Variants in HDAC9 observed in about 807,000 individuals in gnomAD.
HDAC9 encodes histone deacetylase 9.
A neutral mutation model predicts 139.4 loss-of-function variants in HDAC9; 41 were observed. The observed-to-expected ratio is 0.29, with a 90% CI of 0.23 to 0.38. The LOEUF (loss-of-function observed/expected upper bound fraction) is 0.38. HDAC9 is among the 10% of genes least tolerant of loss of function. The pLI, the probability that HDAC9 is intolerant of heterozygous loss-of-function variation, is 1.00. For missense variants in HDAC9, 1,147 were observed against 1,297.0 expected, an observed-to-expected ratio of 0.88 and a Z score of 1.78; for synonymous variants, 517 against 476.2, an observed-to-expected ratio of 1.09 and a Z score of -1.12.
chr7:18,843,404 A>G (rs1187807034), intron 21 of HDAC9, among the ~76,000 whole-genome samples: 1 of 152,134 alleles, frequency 6.6e-6, no homozygotes, highest in Non-Finnish European at 1.5e-5. Flanking sequence ...ACGTCAATTC[A>G]TTGACTTAAA....
Position 18,881,280 on chromosome 7 carries a change from GAT to G in HDAC9, c.2803+6686_2803+6687del, listed in dbSNP as rs1368516378. ...TAACTCCAGTTATTACAGAGGATAA[GAT>G]AAATTAGTTTCCTCATCTATGAGAC... On this transcript the variant is annotated intron_variant, in intron 22 of 25. Coordinates refer to ENST00000686413, the MANE Select transcript of HDAC9 (RefSeq NM_178425.4). Among the ~76,000 whole-genome samples, 6 of 152,216 alleles carry G rather than the reference GAT, an allele frequency of 3.9e-5. No homozygotes were observed. In the East Asian group the frequency reaches 1.2e-3, roughly 29 times the overall value.
intron 2 of HDAC9, among the ~76,000 whole-genome samples, chr7:18,224,603 G>A (rs540112564): frequency 1.3e-4 from 20 of 152,104 alleles, no homozygotes; most frequent in Non-Finnish European, 2.8e-4. Flanking sequence ...TTGAGATTGG[G>A]AGGCACAGAA....
chr7:18,143,112 C>G (rs1786032164), intron 1 of HDAC9, among the ~76,000 whole-genome samples: 1 of 152,190 alleles, frequency 6.6e-6, no homozygotes, highest in Admixed American at 6.5e-5. Flanking sequence ...AAATGTGACA[C>G]TAGGGCAAAG....
chr7:18,741,873 A>T (rs1395384276), intron 13 of HDAC9, among the ~76,000 whole-genome samples: 1 of 152,218 alleles, frequency 6.6e-6, no homozygotes, highest in Admixed American at 6.5e-5. Flanking sequence ...CAATACTTCA[A>T]TGGAGGAACT....
At chr7:18,978,949 T>G (rs717982) in intron 25 of HDAC9, among the ~76,000 whole-genome samples, 68,154 of 150,710 alleles carry the variant, frequency 0.45, 15,642 homozygotes, top group Non-Finnish European at 0.5. Context: ...TGTGTGTGTG[T>G]TTTTTTTTTA....
At chr7:18,410,445 A>G (rs1006786769) in intron 1 of HDAC9, among the ~76,000 whole-genome samples, 1 of 152,208 alleles carries the variant, frequency 6.6e-6, no homozygotes, top group African/African-American at 2.4e-5. Context: ...CCAAGAACCT[A>G]TAGTTCTTTG....
At chr7:18,499,117 T>G (rs968598393) in intron 2 of HDAC9, among the ~76,000 whole-genome samples, 18 of 151,934 alleles carry the variant, frequency 1.2e-4, no homozygotes, top group Non-Finnish European at 2.4e-4. Flanking sequence ...CTGAAATGTC[T>G]CATTATGTAA....
chr7:18,999,322 C>T lies in HDAC9; in HGVS notation c.*3260C>T, dbSNP rs1786636260. ...GACTGGTCTCTCTTAATAGTTTAGT[C>T]CTGCTTTATTTCCAAAGGGCAATTA... On this transcript the variant is annotated 3_prime_UTR_variant, in exon 26 of 26. Transcript: ENST00000686413. The T allele has an allele frequency of 6.6e-6, 1 of 152,134 alleles. No individual in the cohort carries two copies. The highest frequency in any genetic ancestry group is 2.1e-4 in the South Asian group (1 of 4,828). The allele number at this position is 152,134 out of a possible 1,614,324, so 9.4% of individuals were successfully genotyped here.
At chr7:18,767,205 A>C (rs1212227288) in intron 16 of HDAC9, 50 bp downstream of exon 16, 2 of 1,117,922 alleles carry the variant, frequency 1.8e-6, no homozygotes, top group Non-Finnish European at 2.6e-6. Context: ...ATTACAAAAA[A>C]AAATCTTTTT....
chr7:18,359,519 A>G (rs1259120671), intron 1 of HDAC9, among the ~76,000 whole-genome samples: 2 of 152,212 alleles, frequency 1.3e-5, no homozygotes, highest in East Asian at 1.9e-4. Flanking sequence ...TCAAAATTGC[A>G]TAAAAGTAGA....
chr7:18,548,096 G>T (rs1241628254), intron 2 of HDAC9, among the ~76,000 whole-genome samples: 1 of 151,806 alleles, frequency 6.6e-6, no homozygotes, highest in African/African-American at 2.4e-5. Context: ...GCCATTGTAG[G>T]GTTATTAATT....
chr7:18,121,913 A>G (rs1784386925), intron 1 of HDAC9, among the ~76,000 whole-genome samples: 1 of 152,204 alleles, frequency 6.6e-6, no homozygotes, highest in African/African-American at 2.4e-5. Flanking sequence ...GATCTTGAGG[A>G]AAAGATGAAC....
intron 2 of HDAC9, among the ~76,000 whole-genome samples, chr7:18,509,874 T>G (rs928246082): frequency 2.6e-5 from 4 of 152,004 alleles, no homozygotes; most frequent in Non-Finnish European, 5.9e-5. Flanking sequence ...ATTAGTTATA[T>G]TATAAGCTCC....
At chr7:18,432,757 C>A (rs763329363) in intron 1 of HDAC9, among the ~76,000 whole-genome samples, 1 of 152,052 alleles carries the variant, frequency 6.6e-6, no homozygotes, top group Non-Finnish European at 1.5e-5. Flanking sequence ...ACCATCCTGG[C>A]TAACATGGTG....
intron 18 of HDAC9, 86 bp downstream of exon 18, chr7:18,829,302 T>G: frequency 8.3e-7 from 1 of 1,209,844 alleles, no homozygotes; most frequent in Admixed American, 1.7e-5. Flanking sequence ...AGCCTCTAAT[T>G]GTTAGCAGAT....
chr7:18,824,209 G>A (rs750400920), intron 17 of HDAC9, among the ~76,000 whole-genome samples: 2 of 152,184 alleles, frequency 1.3e-5, no homozygotes, highest in Non-Finnish European at 2.9e-5. Context: ...CGCAAAGAGA[G>A]CTCTCACCAG....
intron 1 of HDAC9, among the ~76,000 whole-genome samples, chr7:18,132,475 C>T (rs1584235712): frequency 6.6e-6 from 1 of 152,014 alleles, no homozygotes; most frequent in Admixed American, 6.6e-5. Flanking sequence ...AGCGGGTGAT[C>T]ACAGCTTATT....
intron 22 of HDAC9, among the ~76,000 whole-genome samples, chr7:18,913,980 A>G (rs1802964837): frequency 6.6e-6 from 1 of 151,988 alleles, no homozygotes; most frequent in Non-Finnish European, 1.5e-5. Flanking sequence ...GTCCTCTCAA[A>G]ATTGATATGT....
intron 1 of HDAC9, among the ~76,000 whole-genome samples, chr7:18,103,933 C>A (rs994330869): frequency 6.6e-6 from 1 of 152,204 alleles, no homozygotes; most frequent in African/African-American, 2.4e-5. Context: ...CAGAGCCGAT[C>A]CCAGCAGTTC....
Sources: allele counts gnomAD v4.1 joint callset (sites outside exome capture counted in the v4.1 genomes callset), GRCh38; gene constraint gnomAD v4.1.1; transcripts MANE v1.5; gene names NCBI Gene and HGNC (gene_info 2026-07-23, HGNC 2026-07-21).